SCAPER: variants seen among roughly 807,000 people sequenced by gnomAD.
The protein encoded by SCAPER is S phase cyclin A-associated protein in the endoplasmic reticulum.
In SCAPER, 98 loss-of-function variants were observed where a neutral mutation model predicts 182.2. That is an observed-to-expected ratio of 0.54 (90% CI 0.46 to 0.64). SCAPER has a LOEUF of 0.64. Ranked by LOEUF, SCAPER falls within the 30% of genes least tolerant of loss-of-function variation. The probability of loss-of-function intolerance (pLI) is 0.00; values close to 1 mark genes in which losing one functional copy is unlikely to be tolerated. For synonymous variants in SCAPER, 605 were observed against 564.6 expected (o/e 1.07, Z -1.01); for missense variants, 1,432 against 1,690.0 (o/e 0.85, Z 2.68).
At chr15:76,787,481 C>T (rs1463128211) in intron 8 of SCAPER, among the ~76,000 whole-genome samples, 1 of 152,172 alleles carries the variant, frequency 6.6e-6, no homozygotes, top group Non-Finnish European at 1.5e-5. Flanking sequence ...CACATGCCAC[C>T]ACGCCCAGCT....
In SCAPER at chr15:76,826,288, C is replaced by T. The variant is rs548304784; in HGVS notation, c.393+15446G>A. Among the ~76,000 whole-genome samples the T allele has an allele frequency of 8.8e-4, 133 of 151,268 alleles. 1 individual carries two copies. Among genetic ancestry groups the T allele is most frequent in the Middle Eastern group, 3.4e-3 (1 of 294 alleles). Reference sequence around the variant, plus strand: ...GGACATGGATGAAATTGGAAATCATCATTCTCAGTAAACTATCGCAAGAAC... The same window carrying T: ...GGACATGGATGAAATTGGAAATCATTATTCTCAGTAAACTATCGCAAGAAC... On this transcript the variant is annotated intron_variant, in intron 5 of 31. Coordinates refer to ENST00000563290, the MANE Select transcript of SCAPER (RefSeq NM_020843.4).
rs1313868885 is a variant in SCAPER at position 76,471,209 on chromosome 15, T to A, written c.3078+3A>T. 3 of 1,599,170 alleles carry A rather than the reference T, an allele frequency of 1.9e-6. No individual in the cohort carries two copies. Among genetic ancestry groups the A allele is most frequent in the Non-Finnish European group, 2.6e-6 (3 of 1,173,712 alleles). On this transcript the variant is annotated splice_donor_region_variant and intron_variant, in intron 25 of 31. Transcript: ENST00000563290. Reference sequence around the variant, plus strand: ...TCTAACTCAAAGCAATAATATTACATACCGTCAACTGGTGTATCAGGAGGT... The same window carrying A: ...TCTAACTCAAAGCAATAATATTACAAACCGTCAACTGGTGTATCAGGAGGT...
intron 23 of SCAPER, among the ~76,000 whole-genome samples, chr15:76,509,707 G>A (rs1022238109): frequency 1.3e-5 from 2 of 151,924 alleles, no homozygotes; most frequent in African/African-American, 4.8e-5. Context: ...ATTCTTCACA[G>A]AACTAGAAAA....
intron 24 of SCAPER, among the ~76,000 whole-genome samples, chr15:76,488,958 G>T (rs2051988942): frequency 6.6e-6 from 1 of 150,862 alleles, no homozygotes; most frequent in East Asian, 2.0e-4. Context: ...CCTGACCTCA[G>T]GTGATCCACC....
rs772362604 is a variant in SCAPER at position 76,434,317 on chromosome 15, GA to G, written c.3079-8del. 1.8e-5 allele frequency: 28 copies of G among 1,567,758 alleles called. No homozygotes were observed. The highest frequency in any genetic ancestry group is 4.5e-5 in the East Asian group (2 of 44,498). ...TTTCATCTGGAACATAAACCTAGATGAAAAAAAAGTACAGTAAATATGTTTC... is the reference window on the plus strand; with the variant it reads ...TTTCATCTGGAACATAAACCTAGATGAAAAAAAGTACAGTAAATATGTTTC... On this transcript the variant is annotated splice_polypyrimidine_tract_variant and splice_region_variant and intron_variant, in intron 25 of 31. Transcript: ENST00000563290.
intron 21 of SCAPER, among the ~76,000 whole-genome samples, chr15:76,627,787 A>T (rs906987445): frequency 1.3e-5 from 2 of 152,098 alleles, no homozygotes; most frequent in Non-Finnish European, 2.9e-5. Flanking sequence ...AATGATTTTT[A>T]TTCCTTTGGG....
intron 21 of SCAPER, among the ~76,000 whole-genome samples, chr15:76,645,034 T>C (rs925269847): frequency 2.0e-5 from 3 of 152,144 alleles, no homozygotes; most frequent in African/African-American, 7.2e-5. Flanking sequence ...TATGTCTGTA[T>C]TGAAAACATA....
chr15:76,838,473 A>G lies in SCAPER; in HGVS notation c.393+3261T>C, dbSNP rs554163258. Among the ~76,000 whole-genome samples, 5 of 152,252 alleles carry G rather than the reference A, an allele frequency of 3.3e-5. No homozygotes were observed. In the East Asian group the frequency reaches 9.7e-4, roughly 29 times the overall value. On this transcript the variant is annotated intron_variant, in intron 5 of 31. Coordinates refer to ENST00000563290, the MANE Select transcript of SCAPER (RefSeq NM_020843.4). ...TCCTATGACTCTAATACCTTCATCTATGCCTATGCTCCTTCCCTCACATAG... is the reference window on the plus strand; with the variant it reads ...TCCTATGACTCTAATACCTTCATCTGTGCCTATGCTCCTTCCCTCACATAG...
intron 23 of SCAPER, among the ~76,000 whole-genome samples, chr15:76,543,990 T>A (rs1473057393): frequency 1.3e-5 from 2 of 152,172 alleles, no homozygotes; most frequent in Non-Finnish European, 2.9e-5. Context: ...CAACTCAAAT[T>A]TTTAGAAAAA....
chr15:76,897,458 CACTTTGGGAGGCTGAGGCGG>C, intron 1 of SCAPER, among the ~76,000 whole-genome samples: 1 of 152,088 alleles, frequency 6.6e-6, no homozygotes, highest in South Asian at 2.1e-4. Context: ...GTAATCCTAG[CACTTTGGGAGGCTGAGGCGG>C]AGAGATTGCC....
At position 76,857,930 on chromosome 15, in the gene SCAPER, T is replaced by C. The variant is rs562811892; in HGVS notation, c.125-51A>G. 12 of 1,276,804 alleles carry C rather than the reference T, an allele frequency of 9.4e-6. No individual in the cohort carries two copies. In the East Asian group the frequency reaches 3.0e-4, roughly 32 times the overall value. 79.1% of individuals were successfully genotyped at this position (1,276,804 alleles called of 1,614,324 possible). On this transcript the variant is annotated intron_variant, in intron 3 of 31. Coordinates refer to ENST00000563290, the MANE Select transcript of SCAPER (RefSeq NM_020843.4). The stretch of plus-strand genomic sequence containing the variant: ...TGTAGATATACAGAATGATAGATAG[T>C]ATAAAATTGAACTACAGGTAATTAG...
At chr15:76,737,678 G>A (rs993035630) in intron 15 of SCAPER, among the ~76,000 whole-genome samples, 4 of 152,216 alleles carry the variant, frequency 2.6e-5, no homozygotes, top group South Asian at 2.1e-4. Context: ...CTTCTTCCAA[G>A]AGAAGGTTCT....
chr15:76,793,136 A>C (rs2065106135), intron 8 of SCAPER: 2 of 736,098 alleles, frequency 2.7e-6, no homozygotes, highest in Non-Finnish European at 4.2e-6. Context: ...GCATGTGGTC[A>C]CTCTATCATC....
chr15:76,849,275 CACT>C (rs1420194318), intron 4 of SCAPER, among the ~76,000 whole-genome samples: 1 of 152,194 alleles, frequency 6.6e-6, no homozygotes, highest in African/African-American at 2.4e-5. Context: ...GCCTCTCTAC[CACT>C]ACCTCTGCCA....
Position 76,819,652 on chromosome 15 carries a change from A to C in SCAPER, c.394-15019T>G, listed in dbSNP as rs535009387. Among the ~76,000 whole-genome samples the C allele has an allele frequency of 1.6e-4, 25 of 152,270 alleles. No individual in the cohort carries two copies. In the East Asian group the frequency reaches 2.7e-3, roughly 16 times the overall value. On this transcript the variant is annotated intron_variant, in intron 5 of 31. Transcript: ENST00000563290. ...GATAGGGAAAAAACAGAGTAGAAAA[A>C]CCGGAAACTCTAAAAATCAGAGCGC...
At chr15:76,480,455 G>C (rs973218536) in intron 24 of SCAPER, among the ~76,000 whole-genome samples, 1 of 152,338 alleles carries the variant, frequency 6.6e-6, no homozygotes, top group South Asian at 2.1e-4. Flanking sequence ...CCCTGCAGGA[G>C]TGGCCCACCT....
At chr15:76,675,805 G>A (rs1306730469) in intron 20 of SCAPER, among the ~76,000 whole-genome samples, 1 of 151,796 alleles carries the variant, frequency 6.6e-6, no homozygotes, top group Non-Finnish European at 1.5e-5. Context: ...ATCCTCAGGG[G>A]TGGGTAGTCC....
chr15:76,721,410 C>T (rs1171256315), intron 17 of SCAPER, among the ~76,000 whole-genome samples: 3 of 151,776 alleles, frequency 2.0e-5, no homozygotes, highest in Admixed American at 1.3e-4. Context: ...GCGATGCGGG[C>T]TCTTTTTTGG....
chr15:76,829,327 G>A (rs1442538023), intron 5 of SCAPER, among the ~76,000 whole-genome samples: 1 of 152,118 alleles, frequency 6.6e-6, no homozygotes, highest in Non-Finnish European at 1.5e-5. Flanking sequence ...GGACACAAGA[G>A]ATAAAAGACT....
Sources: allele counts gnomAD v4.1 joint callset (sites outside exome capture counted in the v4.1 genomes callset), GRCh38; gene constraint gnomAD v4.1.1; transcripts MANE v1.5; gene names NCBI Gene and HGNC (gene_info 2026-07-23, HGNC 2026-07-21).